The following BRD7 variants were observed in gnomAD, a reference collection of about 807,000 sequenced individuals.
BRD7 encodes the protein bromodomain-containing protein 7.
In BRD7, 15 loss-of-function variants were observed where a neutral mutation model predicts 82.1. The ratio of observed to expected loss-of-function variants is 0.18; its 90% CI spans 0.12 to 0.28. The LOEUF (loss-of-function observed/expected upper bound fraction) is 0.28. Among genes scored for constraint, BRD7 ranks in the 10% least tolerant of loss-of-function variants. The pLI is 1.00. For missense variants in BRD7, 638 were observed against 779.9 expected (o/e 0.82, Z 2.17); for synonymous variants, 232 against 266.9 (o/e 0.87, Z 1.27).
intron 7 of BRD7, 141 bp from the exon 8 acceptor site, chr16:50,333,838 A>C (rs1044996597): frequency 1.7e-5 from 12 of 710,714 alleles, no homozygotes; most frequent in Non-Finnish European, 2.7e-5. Context: ...TTCCTTGATG[A>C]CCTGTTAAGG....
chr16:50,319,318 A>G, intron 16 of BRD7, 52 bp from the exon 17 acceptor site: 1 of 1,567,210 alleles, frequency 6.4e-7, no homozygotes, highest in Non-Finnish European at 8.7e-7. Flanking sequence ...CTTTTAATTA[A>G]AAAGGGGACA....
chr16:50,332,833 G>A (rs140964515), intron 8 of BRD7, among the ~76,000 whole-genome samples: 99 of 152,288 alleles, frequency 6.5e-4, no homozygotes, highest in African/African-American at 2.3e-3. Flanking sequence ...CCCCTGCAAC[G>A]ACATGGATGA....
intron 2 of BRD7, among the ~76,000 whole-genome samples, chr16:50,363,643 G>GTA (rs35177593): frequency 0.35 from 23,678 of 66,734 alleles, 2,090 homozygotes; most frequent in East Asian, 0.55. Flanking sequence ...TTGTGTGTTT[G>GTA]TGTGTGTGTG....
At chr16:50,328,881 AATGAG>A in intron 8 of BRD7, 137 bp from the exon 9 acceptor site, 1 of 661,010 alleles carries the variant, frequency 1.5e-6, no homozygotes, top group East Asian at 2.7e-5. Context: ...ACATATACAT[AATGAG>A]ATATCTTAGG....
At chr16:50,351,034 A>AT (rs1043073283) in intron 4 of BRD7, among the ~76,000 whole-genome samples, 5 of 152,016 alleles carry the variant, frequency 3.3e-5, no homozygotes, top group South Asian at 2.1e-4. Context: ...CATTATGCTA[A>AT]TTTTTTTTCC....
At chr16:50,337,712 T>A (rs953550783) in intron 6 of BRD7, among the ~76,000 whole-genome samples, 1 of 152,184 alleles carries the variant, frequency 6.6e-6, no homozygotes, top group Non-Finnish European at 1.5e-5. Flanking sequence ...AAGGGTGTGC[T>A]GGGCTCTCTT....
intron 14 of BRD7, 95 bp from the exon 15 acceptor site, chr16:50,320,486 T>G: frequency 6.5e-7 from 1 of 1,531,042 alleles, no homozygotes; most frequent in Non-Finnish European, 8.9e-7. Context: ...GTTAGCCTTC[T>G]CCCTTCAAAA....
rs374524830 is a variant in BRD7 at position 50,328,756 on chromosome 16, C to G, written c.1012-12G>C. ...CTTTCAAATTCGCACTGCAATGACC[C>G]AAAGTATTCAGATGGAATGAAGTGT... On this transcript the variant is annotated splice_polypyrimidine_tract_variant and intron_variant, in intron 8 of 16. Transcript: ENST00000394688. 2 of 1,612,172 alleles carry G rather than the reference C, an allele frequency of 1.2e-6. No individual in the cohort carries two copies. The highest frequency in any genetic ancestry group is 2.7e-5 in the African/African-American group (2 of 74,864).
intron 2 of BRD7, among the ~76,000 whole-genome samples, chr16:50,360,345 T>C (rs938040182): frequency 3.9e-5 from 6 of 152,260 alleles, no homozygotes; most frequent in African/African-American, 1.4e-4. Flanking sequence ...TTTCGGAGGA[T>C]ATATACACAT....
At chr16:50,319,836 G>A (rs1304706547) in intron 16 of BRD7, 51 bp downstream of exon 16, 2 of 1,578,214 alleles carry the variant, frequency 1.3e-6, no homozygotes, top group Non-Finnish European at 1.7e-6. Context: ...ACTGAGGGAT[G>A]ACTATAGTCA....
In BRD7 at chr16:50,317,994, G is replaced by A. The variant is rs574826750; in HGVS notation, c.*1217C>T. 5 of 152,448 alleles carry A rather than the reference G, an allele frequency of 3.3e-5. No individual in the cohort carries two copies. In the South Asian group the frequency reaches 1.0e-3, roughly 32 times the overall value. 9.4% of individuals were successfully genotyped at this position (152,448 alleles called of 1,614,324 possible). A position where few individuals can be genotyped will look rare whatever the true frequency, so the allele number is the denominator to read the frequency against. On this transcript the variant is annotated 3_prime_UTR_variant, in exon 17 of 17. Transcript: ENST00000394688. ...GTAAAGAAATATGATTTGAGGTGGT[G>A]CATGCAAGTAACTAGGGTTTATTCT...
chr16:50,348,915 C>T (rs1489117487), intron 5 of BRD7: 1 of 152,176 alleles, frequency 6.6e-6, no homozygotes, highest in Non-Finnish European at 1.5e-5. Context: ...GGTATATACC[C>T]AAAGGATTAT....
chr16:50,350,811 G>GA (rs1160053930), intron 4 of BRD7, among the ~76,000 whole-genome samples: 2 of 152,172 alleles, frequency 1.3e-5, no homozygotes, highest in African/African-American at 2.4e-5. Context: ...CTGTACACTA[G>GA]AATCACACAG....
At chr16:50,335,709 C>T (rs2151160295) in intron 6 of BRD7, among the ~76,000 whole-genome samples, 1 of 152,254 alleles carries the variant, frequency 6.6e-6, no homozygotes, top group South Asian at 2.1e-4. Flanking sequence ...GAACCAGAGG[C>T]CATTCAAACA....
In BRD7 at chr16:50,354,854, G is replaced by C; in HGVS notation, c.327C>G (p.Ala109=). ...NEAEKDLQCH[A]PVRLDLPPEK... is the part of the protein sequence containing the mutation. Reference sequence around the variant, plus strand: ...CAGGAGGCAAGTCTAATCTCACAGGGGCGTGACACTGGAGATCTTTTTCTG... The same window carrying C: ...CAGGAGGCAAGTCTAATCTCACAGGCGCGTGACACTGGAGATCTTTTTCTG... Residue 109 remains alanine, a synonymous_variant, in exon 3 of 17, where the codon GCC becomes GCG. Coordinates refer to ENST00000394688, the MANE Select transcript of BRD7 (RefSeq NM_013263.5). The C allele has an allele frequency of 6.2e-7, 1 of 1,613,124 alleles. No homozygotes were observed.
At position 50,341,130 on chromosome 16, in the gene BRD7, C is replaced by T. The variant is rs1198505413; in HGVS notation, c.592-1044G>A. ...GGCCATGACTGTAAATATGCCAGGT[C>T]TTGGATCTCTAAGCATCTGATGAAA... is the stretch of plus-strand genomic sequence containing the variant. On this transcript the variant is annotated intron_variant, in intron 5 of 16. Transcript: ENST00000394688. 4.1e-5 allele frequency among the ~76,000 whole-genome samples: 6 copies of T among 146,554 alleles called. No individual in the cohort carries two copies. The Admixed American group carries it at 4.1e-4, about 10-fold the overall frequency.
At chr16:50,331,415 C>A (rs2037559533) in intron 8 of BRD7, among the ~76,000 whole-genome samples, 1 of 152,200 alleles carries the variant, frequency 6.6e-6, no homozygotes, top group Non-Finnish European at 1.5e-5. Context: ...TCAAACTATA[C>A]TACAGGCTGG....
At chr16:50,343,217 C>T (rs1448090693) in intron 5 of BRD7, among the ~76,000 whole-genome samples, 1 of 152,190 alleles carries the variant, frequency 6.6e-6, no homozygotes, top group Non-Finnish European at 1.5e-5. Context: ...GAATTGTAAT[C>T]CCCAATGTTG....
At chr16:50,344,302 C>T (rs142543628) in intron 5 of BRD7, among the ~76,000 whole-genome samples, 11 of 152,282 alleles carry the variant, frequency 7.2e-5, no homozygotes, top group East Asian at 5.8e-4. Context: ...ACCACAAAGA[C>T]GGGGAGAAAC....
Sources: gnomAD v4.1 joint callset for allele counts (sites outside exome capture counted in the v4.1 genomes callset) on GRCh38, gnomAD v4.1.1 for gene constraint, MANE v1.5 for transcripts, NCBI Gene and HGNC (gene_info 2026-07-23, HGNC 2026-07-21) for gene names.